Variants in RP1 observed in about 807,000 individuals in gnomAD.
RP1 encodes the protein RP1 axonemal microtubule associated, also known as oxygen-regulated protein 1.
RP1 carries 16 observed loss-of-function variants against 14.8 expected under a neutral mutation model. The observed-to-expected ratio is 1.08, with a 90% confidence interval of 0.73 to 1.65. The LOEUF is 1.65. Among genes scored for constraint, RP1 ranks in the 40% most tolerant of loss-of-function variants. The pLI is 0.00. For missense variants in RP1, 2,631 were observed against 2,535.0 expected (o/e 1.04, Z -0.81); for synonymous variants, 876 against 883.6 (o/e 0.99, Z 0.15).
chr8:54,802,263 T>C (rs1420621002), intron 24 of RP1, among the ~76,000 whole-genome samples: 2 of 152,208 alleles, frequency 1.3e-5, no homozygotes, highest in Non-Finnish European at 2.9e-5. Flanking sequence ...GTATTTATTA[T>C]AGATTCTTTT....
chr8:54,857,773 A>G (rs2129410371), intron 27 of RP1, among the ~76,000 whole-genome samples: 1 of 152,102 alleles, frequency 6.6e-6, no homozygotes, highest in Non-Finnish European at 1.5e-5. Flanking sequence ...CGCTGCTTGA[A>G]CACCATCCCT....
chr8:54,625,451 T>C lies in RP1; in HGVS notation c.1569T>C (p.Asn523=), dbSNP rs751505164. Residue 523 remains asparagine (N), a synonymous_variant, in exon 4 of 4, where the codon AAT becomes AAC. Transcript: ENST00000220676. ...CAGTACTTGTTCAGATCAATAACAATGATCAAATGGAGGAGTCATCATTAG... is the reference window on the plus strand; with the variant it reads ...CAGTACTTGTTCAGATCAATAACAACGATCAAATGGAGGAGTCATCATTAG... ...NKPVLVQINN[N]DQMEESSLER... is the part of the protein sequence containing the mutation. 1.2e-6 allele frequency: 2 copies of C among 1,613,812 alleles called. No individual in the cohort carries two copies. The highest frequency in any genetic ancestry group is 1.3e-5 in the African/African-American group (1 of 74,918).
intron 23 of RP1, among the ~76,000 whole-genome samples, chr8:54,779,203 G>T (rs1453600041): frequency 1.3e-5 from 2 of 152,212 alleles, no homozygotes; most frequent in African/African-American, 4.8e-5. Flanking sequence ...AGAGGCTGCA[G>T]TCTGCAGAGA....
chr8:54,747,281 C>T (rs1247155955), intron 19 of RP1, among the ~76,000 whole-genome samples: 3 of 152,184 alleles, frequency 2.0e-5, no homozygotes, highest in African/African-American at 7.2e-5. Context: ...ACCTCTTTCT[C>T]GTCCCCTTCT....
chr8:54,849,125 C>A (rs1812001269), intron 25 of RP1, among the ~76,000 whole-genome samples: 1 of 152,066 alleles, frequency 6.6e-6, no homozygotes, highest in Admixed American at 6.5e-5. Flanking sequence ...GTCAACCATT[C>A]TTGGGTGTGG....
intron 1 of RP1, among the ~76,000 whole-genome samples, chr8:54,578,969 G>A (rs1804720445): frequency 6.6e-6 from 1 of 152,156 alleles, no homozygotes; most frequent in Admixed American, 6.5e-5. Context: ...GAAGATGAGG[G>A]AAATAAAGCC....
chr8:54,774,260 C>T (rs764369628), downstream of RP1, among the ~76,000 whole-genome samples: 10 of 152,062 alleles, frequency 6.6e-5, no homozygotes, highest in Non-Finnish European at 1.0e-4. Flanking sequence ...ACCGTGGCAC[C>T]GGGGAGCCTG....
intron 24 of RP1, among the ~76,000 whole-genome samples, chr8:54,836,439 C>T (rs568259536): frequency 1.3e-5 from 2 of 152,270 alleles, no homozygotes; most frequent in South Asian, 2.1e-4. Context: ...CTGGTTTATA[C>T]AGTTGGGCCT....
At chr8:54,771,016 A>C (rs1809885353), downstream of RP1, among the ~76,000 whole-genome samples, 1 of 152,048 alleles carries the variant, frequency 6.6e-6, no homozygotes, top group African/African-American at 2.4e-5. Flanking sequence ...AACTAGGCAA[A>C]GGTTAGTGCT....
intron 8 of RP1, among the ~76,000 whole-genome samples, chr8:54,677,814 TTAGAA>T (rs1807330618): frequency 6.6e-6 from 1 of 152,158 alleles, no homozygotes; most frequent in African/African-American, 2.4e-5. Flanking sequence ...ATAATTTTAA[TTAGAA>T]TAGAATATAT....
chr8:54,679,922 C>G (rs1159235697), exon 12 of RP1: 3 of 1,535,934 alleles, frequency 2.0e-6, no homozygotes, highest in Non-Finnish European at 2.6e-6. Flanking sequence ...GGAGAGAAGA[C>G]AGACAAATAT....
chr8:54,863,677 A>G (rs1051635487), intron 27 of RP1, among the ~76,000 whole-genome samples: 1 of 152,212 alleles, frequency 6.6e-6, no homozygotes, highest in African/African-American at 2.4e-5. Context: ...ATTGCTTTGC[A>G]TGGAATCTAT....
intron 1 of RP1, among the ~76,000 whole-genome samples, chr8:54,597,190 G>A (rs1805168662): frequency 6.6e-6 from 1 of 152,172 alleles, no homozygotes; most frequent in Non-Finnish European, 1.5e-5. Context: ...AAGTGGTTAA[G>A]AGCCTTCATT....
chr8:54,603,349 G>T (rs1313672908), intron 1 of RP1, among the ~76,000 whole-genome samples: 3 of 151,982 alleles, frequency 2.0e-5, no homozygotes, highest in African/African-American at 7.3e-5. Context: ...GATGGTTGTA[G>T]ATATGCGGCA....
rs1053514792 is a variant in RP1, at chr8:54,726,575, A to G, written c.2521+99A>G. On this transcript the variant is annotated intron_variant, in intron 17 of 22. Coordinates refer to the RP1 transcript ENST00000636932. ...GACTATTAAATTATTTTTACAGCATATATTATGTTATACCACATGGACTGC... is the reference window on the plus strand; with the variant it reads ...GACTATTAAATTATTTTTACAGCATGTATTATGTTATACCACATGGACTGC... The G allele has an allele frequency of 1.4e-5, 18 of 1,289,534 alleles. No homozygotes were observed. In the African/African-American group the frequency reaches 1.9e-4, roughly 14 times the overall value. 79.9% of individuals were successfully genotyped at this position (1,289,534 alleles called of 1,614,324 possible).
At position 54,626,354 on chromosome 8, in the gene RP1, C is replaced by T. The variant is rs1806048072; in HGVS notation, c.2472C>T (p.Asn824=). 1 of 1,613,338 alleles carries T rather than the reference C, an allele frequency of 6.2e-7. No homozygotes were observed. Among genetic ancestry groups the T allele is most frequent in the Non-Finnish European group, 8.5e-7 (1 of 1,179,840 alleles). The change falls in exon 4 of 4, where the codon AAC becomes AAT. Residue 824 remains asparagine, a synonymous_variant. Coordinates refer to ENST00000220676, the MANE Select transcript of RP1 (RefSeq NM_006269.2). ...ACAAAAGTTTATTTCATGTATTTAA[C>T]ATCCTTGAGCAAAAACCCAAAGATT... ...FENKSLFHVF[N]ILEQKPKDFY...
At chr8:54,851,050 C>CGTGT (rs34551647) in intron 25 of RP1, among the ~76,000 whole-genome samples, 1 of 150,008 alleles carries the variant, frequency 6.7e-6, no homozygotes, top group Non-Finnish European at 1.5e-5. Flanking sequence ...AGTACACGTA[C>CGTGT]GTGTGTGTGT....
chr8:54,758,178 A>G (rs1193136355), intron 21 of RP1, among the ~76,000 whole-genome samples: 3 of 152,250 alleles, frequency 2.0e-5, no homozygotes, highest in Middle Eastern at 3.4e-3. Context: ...ACTTACTTAA[A>G]TTCATGATCC....
At chr8:54,697,691 A>C (rs2064845693) in intron 12 of RP1, among the ~76,000 whole-genome samples, 1 of 152,200 alleles carries the variant, frequency 6.6e-6, no homozygotes, top group African/African-American at 2.4e-5. Context: ...ACCCAAACAG[A>C]TATGTAGACC....
Sources: gnomAD v4.1 joint callset for allele counts (sites outside exome capture counted in the v4.1 genomes callset) on GRCh38, gnomAD v4.1.1 for gene constraint, MANE v1.5 for transcripts, NCBI Gene and HGNC (gene_info 2026-07-23, HGNC 2026-07-21) for gene names.